The following TMEM132D variants were observed in gnomAD, a reference collection of about 807,000 sequenced individuals.
TMEM132D encodes mature OL transmembrane protein.
A neutral mutation model predicts 62.3 loss-of-function variants in TMEM132D; 21 were observed. The ratio of observed to expected loss-of-function variants is 0.34; its 90% confidence interval spans 0.24 to 0.49. The LOEUF (loss-of-function observed/expected upper bound fraction) is 0.49, where lower values mean the gene tolerates loss of function less well. Ranked by LOEUF, TMEM132D falls within the 20% of genes least tolerant of loss-of-function variation. The pLI is 0.99. For missense variants in TMEM132D, 1,346 were observed against 1,402.8 expected (o/e 0.96, Z 0.65); for synonymous variants, 621 against 575.6 (o/e 1.08, Z -1.13).
chr12:129,735,965 C>T (rs772504019), intron 1 of TMEM132D, among the ~76,000 whole-genome samples: 1 of 152,188 alleles, frequency 6.6e-6, no homozygotes. Context: ...CAGTCCAGCA[C>T]ACCTGCCCAC....
At chr12:129,713,680 A>T (rs560074190) in intron 1 of TMEM132D, among the ~76,000 whole-genome samples, 1 of 152,178 alleles carries the variant, frequency 6.6e-6, no homozygotes, top group Non-Finnish European at 1.5e-5. Context: ...CCCAGCCACC[A>T]TCTGTGAGAT....
intron 1 of TMEM132D, among the ~76,000 whole-genome samples, chr12:129,795,134 C>A (rs1179384222): frequency 6.6e-6 from 1 of 152,168 alleles, no homozygotes; most frequent in African/African-American, 2.4e-5. Context: ...CATTATTAAC[C>A]ACTTAACATG....
chr12:129,463,511 A>T (rs1873759789), intron 3 of TMEM132D, among the ~76,000 whole-genome samples: 1 of 151,196 alleles, frequency 6.6e-6, no homozygotes. Context: ...TTTAGGGTAC[A>T]TGTGCACAAC....
chr12:129,081,861 C>T lies in TMEM132D; in HGVS notation c.1821G>A (p.Thr607=), dbSNP rs79031518. 0.098 allele frequency: 158,511 copies of T among 1,613,944 alleles called. 8,325 individuals are homozygous for T. Among genetic ancestry groups the T allele is most frequent in the East Asian group, 0.17 (7,538 of 44,846 alleles). ...LLGSDWQVDI[T]ELINDFMQVE... is the part of the protein sequence containing the mutation. ...CCTGCATGAAGTCATTTATCAGCTC[C>T]GTGATGTCCACTTGCCAGTCTGAGC... Residue 607 remains threonine (T), a synonymous_variant, in exon 7 of 9, where the codon ACG becomes ACA. Coordinates refer to ENST00000422113, the MANE Select transcript of TMEM132D (RefSeq NM_133448.3).
At chr12:129,734,777 G>A (rs1464241845) in intron 1 of TMEM132D, among the ~76,000 whole-genome samples, 1 of 152,128 alleles carries the variant, frequency 6.6e-6, no homozygotes, top group Non-Finnish European at 1.5e-5. Context: ...TATTGGAGAA[G>A]GTGGTTTCTT....
chr12:129,616,670 G>A (rs1243849034), intron 2 of TMEM132D, among the ~76,000 whole-genome samples: 2 of 152,204 alleles, frequency 1.3e-5, no homozygotes, highest in African/African-American at 2.4e-5. Context: ...CCTTGCTGCC[G>A]CCATGTGAAG....
rs181241108 is a variant in TMEM132D at position 129,876,281 on chromosome 12, C to T, written c.79+26980G>A. On this transcript the variant is annotated intron_variant, in intron 1 of 8. Transcript: ENST00000422113. The stretch of plus-strand genomic sequence containing the variant: ...GGTCTTAGCATCCTCATCACCAAAT[C>T]CTATCATTGGGAAGAAGAACTGCCA... Among the ~76,000 whole-genome samples, 388 of 152,286 alleles carry T rather than the reference C, an allele frequency of 2.5e-3. 7 individuals are homozygous for T. The highest frequency in any genetic ancestry group is 0.02 in the Admixed American group (308 of 15,292).
chr12:129,156,954 C>G (rs1486260812), intron 5 of TMEM132D, among the ~76,000 whole-genome samples: 1 of 152,150 alleles, frequency 6.6e-6, no homozygotes, highest in African/African-American at 2.4e-5. Flanking sequence ...ATAACTAACC[C>G]ACTCCTATGA....
At chr12:129,115,858 TGTG>T (rs1192260307) in intron 5 of TMEM132D, among the ~76,000 whole-genome samples, 1 of 152,214 alleles carries the variant, frequency 6.6e-6, no homozygotes, top group African/African-American at 2.4e-5. Context: ...TCAGGGGGCA[TGTG>T]GTGGTGGCCA....
intron 5 of TMEM132D, among the ~76,000 whole-genome samples, chr12:129,108,439 G>A (rs1565966467): frequency 6.6e-6 from 1 of 152,198 alleles, no homozygotes; most frequent in Non-Finnish European, 1.5e-5. Flanking sequence ...AGATCTCAAA[G>A]TCCTGGGTAG....
intron 4 of TMEM132D, among the ~76,000 whole-genome samples, chr12:129,267,824 A>T (rs549366342): frequency 5.1e-4 from 78 of 152,346 alleles, no homozygotes; most frequent in Non-Finnish European, 1.0e-3. Flanking sequence ...TGGTACTGGT[A>T]CCAAAACAGA....
intron 5 of TMEM132D, among the ~76,000 whole-genome samples, chr12:129,129,692 G>C (rs1876315800): frequency 6.6e-6 from 1 of 152,100 alleles, no homozygotes; most frequent in Non-Finnish European, 1.5e-5. Context: ...TCTGACTGGT[G>C]AGAGATGAAA....
At chr12:129,635,652 A>C (rs1292093672) in intron 2 of TMEM132D, among the ~76,000 whole-genome samples, 6 of 152,320 alleles carry the variant, frequency 3.9e-5, no homozygotes, top group African/African-American at 7.2e-5. Flanking sequence ...TCAAAGTCCA[A>C]GCAAGTTTTA....
At chr12:129,881,356 T>C (rs1396487376) in intron 1 of TMEM132D, among the ~76,000 whole-genome samples, 1 of 151,940 alleles carries the variant, frequency 6.6e-6, no homozygotes, top group Non-Finnish European at 1.5e-5. Context: ...CTCATCTAAT[T>C]GACATTTACA....
intron 1 of TMEM132D, among the ~76,000 whole-genome samples, chr12:129,879,142 C>T (rs1317710727): frequency 1.3e-5 from 2 of 152,324 alleles, no homozygotes; most frequent in Middle Eastern, 3.4e-3. Context: ...AAAAACTCCA[C>T]TGGGGAAATA....
intron 3 of TMEM132D, among the ~76,000 whole-genome samples, chr12:129,410,132 T>G (rs1298149066): frequency 1.3e-5 from 2 of 152,182 alleles, no homozygotes; most frequent in Non-Finnish European, 2.9e-5. Context: ...ATGAGTTCCA[T>G]GTGGATCCTG....
chr12:129,519,481 A>G (rs1171076098), intron 3 of TMEM132D, among the ~76,000 whole-genome samples: 7 of 152,234 alleles, frequency 4.6e-5, no homozygotes, highest in Admixed American at 4.6e-4. Flanking sequence ...CCGCATTTCA[A>G]TATAGCTGCA....
chr12:129,685,791 G>A (rs1057411258), intron 2 of TMEM132D, among the ~76,000 whole-genome samples: 1 of 152,146 alleles, frequency 6.6e-6, no homozygotes, highest in African/African-American at 2.4e-5. Flanking sequence ...CCACAGGAAC[G>A]GACCTACCCA....
intron 2 of TMEM132D, among the ~76,000 whole-genome samples, chr12:129,599,902 G>A (rs923348064): frequency 2.0e-5 from 3 of 152,164 alleles, no homozygotes; most frequent in Non-Finnish European, 4.4e-5. Context: ...CTGCTGGGAG[G>A]TCTTGCCTCC....
Sources: allele counts gnomAD v4.1 joint callset (sites outside exome capture counted in the v4.1 genomes callset), GRCh38; gene constraint gnomAD v4.1.1; transcripts MANE v1.5; gene names NCBI Gene and HGNC (gene_info 2026-07-23, HGNC 2026-07-21).